Variants in RIIAD1 observed in about 807,000 individuals in gnomAD.
RIIAD1 encodes RIIa domain-containing protein 1.
A neutral mutation model predicts 13.3 loss-of-function variants in RIIAD1; 15 were observed. The observed-to-expected ratio is 1.13, with a 90% CI of 0.76 to 1.74. RIIAD1 has a LOEUF of 1.74. RIIAD1 is among the 40% of genes most tolerant of loss of function. The probability of loss-of-function intolerance (pLI) is 0.00; values close to 1 mark genes in which losing one functional copy is unlikely to be tolerated. For missense variants in RIIAD1, 121 were observed against 112.2 expected, an observed-to-expected ratio of 1.08 and a Z score of -0.35; for synonymous variants, 50 against 43.3, an observed-to-expected ratio of 1.16 and a Z score of -0.61.
chr1:151,728,338 C>A (rs1479663442), intron 3 of RIIAD1: 1 of 185,274 alleles, frequency 5.4e-6, no homozygotes, highest in Non-Finnish European at 1.1e-5. Context: ...AGCTGGCAAG[C>A]GGAGCTGAGA....
At chr1:151,719,546 G>A (rs748844242), upstream of RIIAD1, 1 of 685,296 alleles carries the variant, frequency 1.5e-6, no homozygotes. Context: ...GTATGTGTGG[G>A]CAGAGTGGCT....
At position 151,714,956 on chromosome 1, in the gene RIIAD1, A is replaced by C. The variant is rs74632301; in HGVS notation, c.21+427A>C. On this transcript the variant is annotated intron_variant, in intron 4 of 8. Coordinates refer to the RIIAD1 transcript ENST00000326413. The stretch of plus-strand genomic sequence containing the variant: ...GAGAGAAGGACCATGTGACCGCCAG[A>C]CAAGTAAGAGTAGTGTGGCTTTCTC... 3.4e-4 allele frequency among the ~76,000 whole-genome samples: 52 copies of C among 151,910 alleles called. No individual in the cohort carries two copies. The East Asian group carries it at 8.2e-3, about 24-fold the overall frequency.
chr1:151,720,467 G>A (rs1673717608), upstream of RIIAD1, among the ~76,000 whole-genome samples: 1 of 152,208 alleles, frequency 6.6e-6, no homozygotes, highest in Admixed American at 6.5e-5. Context: ...GGGTTCCTGG[G>A]AAGTGGCTTG....
At chr1:151,726,400 G>A (rs1198507152) in intron 2 of RIIAD1, among the ~76,000 whole-genome samples, 3 of 152,184 alleles carry the variant, frequency 2.0e-5, no homozygotes, top group Admixed American at 2.0e-4. Context: ...CATATCTAGT[G>A]CAATTACTTG....
At chr1:151,727,355 C>T (rs1262013018) in intron 2 of RIIAD1, among the ~76,000 whole-genome samples, 1 of 152,148 alleles carries the variant, frequency 6.6e-6, no homozygotes, top group Non-Finnish European at 1.5e-5. Context: ...TAAGCAATAT[C>T]CTAGTGTATT....
intron 1 of RIIAD1, 62 bp downstream of exon 1, chr1:151,721,682 C>T: frequency 9.6e-7 from 1 of 1,041,724 alleles, no homozygotes; most frequent in Non-Finnish European, 1.3e-6. Flanking sequence ...GGACTGGGGC[C>T]CCAGACTGGG....
intron 3 of RIIAD1, 106 bp downstream of exon 3, chr1:151,727,727 A>T: frequency 1.3e-6 from 1 of 765,132 alleles, no homozygotes; most frequent in Non-Finnish European, 2.2e-6. Context: ...AGTCTGGGGT[A>T]CTCCTTCACC....
At chr1:151,720,459 G>A (rs893720695), upstream of RIIAD1, among the ~76,000 whole-genome samples, 3 of 152,226 alleles carry the variant, frequency 2.0e-5, no homozygotes, top group Non-Finnish European at 4.4e-5. Context: ...CCAAGATGGG[G>A]TTCCTGGGAA....
intron 2 of RIIAD1, among the ~76,000 whole-genome samples, chr1:151,712,747 G>GCACCTT (rs1187072708): frequency 1.3e-5 from 2 of 152,338 alleles, no homozygotes; most frequent in African/African-American, 2.4e-5. Context: ...TAGTATGGTA[G>GCACCTT]CACCTTCTAG....
chr1:151,726,870 C>T (rs984326530), intron 2 of RIIAD1, among the ~76,000 whole-genome samples: 2 of 152,154 alleles, frequency 1.3e-5, no homozygotes, highest in African/African-American at 2.4e-5. Flanking sequence ...TCCCTCTGCC[C>T]CTTGAATTCA....
chr1:151,721,729 T>A, intron 1 of RIIAD1, 109 bp downstream of exon 1: 1 of 619,730 alleles, frequency 1.6e-6, no homozygotes, highest in Non-Finnish European at 2.4e-6. Context: ...GGGAGCCTGT[T>A]CCCTGATAAA....
chr1:151,726,246 G>A (rs958463222), intron 2 of RIIAD1, among the ~76,000 whole-genome samples: 1 of 152,182 alleles, frequency 6.6e-6, no homozygotes, highest in African/African-American at 2.4e-5. Flanking sequence ...ATCTCCCAGA[G>A]CACTATTTAA....
chr1:151,713,976 A>G (rs1259688757), intron 3 of RIIAD1, among the ~76,000 whole-genome samples: 2 of 152,076 alleles, frequency 1.3e-5, no homozygotes, highest in Admixed American at 1.3e-4. Context: ...CTGATCCTCT[A>G]CAATGTCTGT....
chr1:151,726,229 C>T (rs1411571530), intron 2 of RIIAD1, among the ~76,000 whole-genome samples: 1 of 152,222 alleles, frequency 6.6e-6, no homozygotes, highest in Non-Finnish European at 1.5e-5. Context: ...CCTCTCTCCC[C>T]ACTCTGATCT....
chr1:151,725,829 T>C (rs1673820320), intron 2 of RIIAD1, among the ~76,000 whole-genome samples: 1 of 152,164 alleles, frequency 6.6e-6, no homozygotes, highest in African/African-American at 2.4e-5. Flanking sequence ...TCAGATTGAG[T>C]ATAAATGTCC....
chr1:151,714,762 G>T, intron 4 of RIIAD1: 2 of 959,514 alleles, frequency 2.1e-6, no homozygotes, highest in South Asian at 1.5e-5. Flanking sequence ...AAAGACTGAC[G>T]ACTGGGAAGC....
chr1:151,721,600 G>C lies in RIIAD1; in HGVS notation c.64G>C (p.Glu22Gln). The change falls in exon 1 of 5, where the codon GAG becomes CAG. Residue 22 changes from glutamate to glutamine, a missense_variant. Coordinates refer to ENST00000479191, the MANE Select transcript of RIIAD1 (RefSeq NM_001144956.3). ...CGGGGCGCTTAGCGCAGCGCAGCTG[G>C]AGCAGCTGCGAAAATTCAAGGTGGG... ...DPGALSAAQL[E>Q]QLRKFKIQTR... The C allele has an allele frequency of 2.3e-6, 3 of 1,301,610 alleles. No homozygotes were observed. Among genetic ancestry groups the C allele is most frequent in the Non-Finnish European group, 2.9e-6 (3 of 1,021,958 alleles). The allele number at this position is 1,301,610 out of a possible 1,614,324, so 80.6% of individuals were successfully genotyped here. A position where few individuals can be genotyped will look rare whatever the true frequency, so the allele number is the denominator to read the frequency against.
chr1:151,715,657 C>T (rs1473905565), intron 4 of RIIAD1: 1 of 1,512,130 alleles, frequency 6.6e-7, no homozygotes, highest in African/African-American at 1.4e-5. Context: ...GCCGTCTTGA[C>T]AACTCTTCAG....
At chr1:151,712,477 T>C (rs1029887559) in intron 2 of RIIAD1, among the ~76,000 whole-genome samples, 1 of 152,118 alleles carries the variant, frequency 6.6e-6, no homozygotes, top group African/African-American at 2.4e-5. Flanking sequence ...GAATCCACCT[T>C]CCTGACTGCA....
Sources: allele counts gnomAD v4.1 joint callset (sites outside exome capture counted in the v4.1 genomes callset), GRCh38; gene constraint gnomAD v4.1.1; transcripts MANE v1.5; gene names NCBI Gene and HGNC (gene_info 2026-07-23, HGNC 2026-07-21).